The following NHEJ1 variants were observed in gnomAD, a reference collection of about 807,000 sequenced individuals.
NHEJ1 encodes non-homologous end-joining factor 1.
NHEJ1 carries 22 observed loss-of-function variants against 39.4 expected under a neutral mutation model. The observed-to-expected ratio is 0.56, with a 90% CI of 0.40 to 0.80. The LOEUF (loss-of-function observed/expected upper bound fraction) is 0.80. Among genes scored for constraint, NHEJ1 ranks in the 30% least tolerant of loss-of-function variants. The pLI is 0.00. For synonymous variants in NHEJ1, 154 were observed against 135.6 expected (o/e 1.14, Z -0.94); for missense variants, 329 against 357.1 (o/e 0.92, Z 0.63).
chr2:219,118,619 A>G (rs1574723042), intron 5 of NHEJ1, among the ~76,000 whole-genome samples: 1 of 152,298 alleles, frequency 6.6e-6, no homozygotes, highest in Admixed American at 6.5e-5. Flanking sequence ...AGCGGATGGA[A>G]ATGCCCATAA....
chr2:219,147,153 C>G (rs571486776), intron 4 of NHEJ1, among the ~76,000 whole-genome samples: 2 of 152,314 alleles, frequency 1.3e-5, no homozygotes, highest in Admixed American at 1.3e-4. Flanking sequence ...CTATTGGCCA[C>G]TTGGGCTCCA....
intron 5 of NHEJ1, among the ~76,000 whole-genome samples, chr2:219,122,923 T>G (rs543999827): frequency 6.6e-6 from 1 of 152,268 alleles, no homozygotes; most frequent in South Asian, 2.1e-4. Context: ...AAAGAGTGGA[T>G]AGCGGAGGCC....
chr2:219,136,740 T>C (rs1949633783), intron 5 of NHEJ1, among the ~76,000 whole-genome samples: 1 of 151,844 alleles, frequency 6.6e-6, no homozygotes, highest in Admixed American at 6.6e-5. Context: ...GTAGCTGGGA[T>C]TACAGGCACC....
chr2:219,097,162 A>AG (rs1949216223), intron 5 of NHEJ1, among the ~76,000 whole-genome samples: 2 of 152,204 alleles, frequency 1.3e-5, no homozygotes, highest in African/African-American at 4.8e-5. Flanking sequence ...GCTAAGCTAT[A>AG]ATGTTCTATA....
At chr2:219,137,570 C>CAAAAAAAAAAAAAAAAAA (rs58279021) in intron 5 of NHEJ1, among the ~76,000 whole-genome samples, 25 of 34,720 alleles carry the variant, frequency 7.2e-4, no homozygotes, top group South Asian at 1.8e-3. Context: ...GTGTTACAGG[C>CAAAAAAAAAAAAAAAAAA]AAAAAAAAAA....
intron 5 of NHEJ1, among the ~76,000 whole-genome samples, chr2:219,087,377 T>C (rs1057068049): frequency 3.8e-5 from 4 of 106,074 alleles, no homozygotes; most frequent in African/African-American, 1.0e-4. Flanking sequence ...GGAGTGCAGA[T>C]TCCTTTTTTT....
chr2:219,154,153 T>C (rs1467689487), intron 3 of NHEJ1, among the ~76,000 whole-genome samples: 2 of 152,162 alleles, frequency 1.3e-5, no homozygotes, highest in East Asian at 1.9e-4. Context: ...ATATGAATAA[T>C]CTCTAAGTTC....
At position 219,081,162 on chromosome 2, in the gene NHEJ1, C is replaced by T. The variant is rs944368932; in HGVS notation, c.589-2956G>A. Among the ~76,000 whole-genome samples the T allele has an allele frequency of 2.6e-5, 4 of 152,184 alleles. No homozygotes were observed. In the South Asian group the frequency reaches 8.3e-4, roughly 32 times the overall value. ...ACCCCTTGGGGGCTGAGAGACCATA[C>T]TCTTAATCCCATTCTAGCCATTCCC... On this transcript the variant is annotated intron_variant, in intron 5 of 7. Coordinates refer to ENST00000356853, the MANE Select transcript of NHEJ1 (RefSeq NM_024782.3).
chr2:219,153,703 G>GGC (rs1949821264), intron 3 of NHEJ1, among the ~76,000 whole-genome samples: 11 of 117,074 alleles, frequency 9.4e-5, no homozygotes, highest in South Asian at 6.6e-4. Flanking sequence ...GGGGGGGGGG[G>GGC]TGGAGAGAGA....
chr2:219,134,955 G>A (rs2106353312), intron 5 of NHEJ1, among the ~76,000 whole-genome samples: 1 of 148,254 alleles, frequency 6.7e-6, no homozygotes, highest in East Asian at 2.0e-4. Flanking sequence ...CAGGAGAATT[G>A]CTTGAAACCA....
intron 3 of NHEJ1, among the ~76,000 whole-genome samples, chr2:219,154,195 G>A (rs1297362903): frequency 6.6e-6 from 1 of 151,808 alleles, no homozygotes; most frequent in African/African-American, 2.4e-5. Context: ...TGAAGCAGTG[G>A]GTAAGTTCTA....
Position 219,152,774 on chromosome 2 carries a change from CATTT to C in NHEJ1, c.390+4694_390+4697del, listed in dbSNP as rs796412414. 2.6e-3 allele frequency among the ~76,000 whole-genome samples: 360 copies of C among 136,994 alleles called. 3 individuals are homozygous for C. Among genetic ancestry groups the C allele is most frequent in the African/African-American group, 8.5e-3 (327 of 38,458 alleles). The allele number at this position is 136,994 out of a possible 152,430, so 89.9% of individuals were successfully genotyped here. On this transcript the variant is annotated intron_variant, in intron 3 of 7. Transcript: ENST00000356853. ...GAGCCATCATCCCCGGGATCTCTTTCATTTATTTATTTATTTTTATTTATTTATT... is the reference window on the plus strand; with the variant it reads ...GAGCCATCATCCCCGGGATCTCTTTCATTTATTTATTTTTATTTATTTATT...
chr2:219,144,656 G>A (rs79589858), intron 5 of NHEJ1, among the ~76,000 whole-genome samples: 1,824 of 152,158 alleles, frequency 0.012, 41 homozygotes, highest in African/African-American at 0.041. Context: ...ATATAGCTAA[G>A]GCATAAAGTA....
At chr2:219,152,189 C>T (rs550643764) in intron 3 of NHEJ1, among the ~76,000 whole-genome samples, 1 of 152,242 alleles carries the variant, frequency 6.6e-6, no homozygotes, top group East Asian at 1.9e-4. Flanking sequence ...AAAGAGCTTA[C>T]AACAGTTAAG....
chr2:219,118,071 G>C lies in NHEJ1; in HGVS notation c.588+28609C>G, dbSNP rs538195576. 1.6e-4 allele frequency among the ~76,000 whole-genome samples: 24 copies of C among 152,268 alleles called. No individual in the cohort carries two copies. In the South Asian group the frequency reaches 3.7e-3, roughly 24 times the overall value. On this transcript the variant is annotated intron_variant, in intron 5 of 7. Transcript: ENST00000356853. ...CTGTTTGATCTCCTGGCTAGGGAAA[G>C]AGCCAAAGATAATTTCCTAGGGGAG...
chr2:219,148,485 G>A (rs970744716), intron 3 of NHEJ1, among the ~76,000 whole-genome samples: 6 of 152,316 alleles, frequency 3.9e-5, no homozygotes, highest in African/African-American at 1.2e-4. Context: ...CTTGAGCCAA[G>A]GAGGTCAAGG....
intron 5 of NHEJ1, among the ~76,000 whole-genome samples, chr2:219,127,893 C>T (rs888933917): frequency 6.8e-6 from 1 of 147,246 alleles, no homozygotes; most frequent in Admixed American, 6.6e-5. Flanking sequence ...ATCAAAGAAC[C>T]TTGGCACTGG....
At chr2:219,103,739 T>C (rs1949288256) in intron 5 of NHEJ1, among the ~76,000 whole-genome samples, 1 of 152,190 alleles carries the variant, frequency 6.6e-6, no homozygotes, top group African/African-American at 2.4e-5. Context: ...GAGAACATTA[T>C]CCCTATTTTA....
intron 3 of NHEJ1, among the ~76,000 whole-genome samples, chr2:219,148,899 T>C (rs1490739304): frequency 6.6e-6 from 1 of 152,046 alleles, no homozygotes; most frequent in Non-Finnish European, 1.5e-5. Context: ...TTTTTTTTTT[T>C]TGAGAAGGAG....
Sources: gnomAD v4.1 joint callset for allele counts (sites outside exome capture counted in the v4.1 genomes callset) on GRCh38, gnomAD v4.1.1 for gene constraint, MANE v1.5 for transcripts, NCBI Gene and HGNC (gene_info 2026-07-23, HGNC 2026-07-21) for gene names.